STXBP5L: variants seen among roughly 807,000 people sequenced by gnomAD.
STXBP5L encodes syntaxin-binding protein 5-like.
STXBP5L carries 65 observed loss-of-function variants against 144.5 expected under a neutral mutation model. That is an observed-to-expected ratio of 0.45 (90% confidence interval 0.37 to 0.55). STXBP5L has a LOEUF of 0.55. STXBP5L is among the 20% of genes least tolerant of loss of function. The pLI is 0.00. For missense variants in STXBP5L, 1,298 were observed against 1,405.5 expected (o/e 0.92, Z 1.22); for synonymous variants, 505 against 469.6 (o/e 1.08, Z -0.97).
chr3:121,165,650 A>T (rs368062367), intron 9 of STXBP5L, among the ~76,000 whole-genome samples: 1 of 152,026 alleles, frequency 6.6e-6, no homozygotes. Flanking sequence ...GGTGAAAAGG[A>T]AAAAAAGGGA....
chr3:121,144,820 C>T (rs1204239115), intron 7 of STXBP5L, among the ~76,000 whole-genome samples: 3 of 151,914 alleles, frequency 2.0e-5, no homozygotes, highest in African/African-American at 7.2e-5. Context: ...GAATACTTTT[C>T]AGCCTTAATA....
intron 3 of STXBP5L, among the ~76,000 whole-genome samples, chr3:121,014,391 C>T (rs1432241430): frequency 6.6e-6 from 1 of 151,828 alleles, no homozygotes; most frequent in African/African-American, 2.4e-5. Context: ...TTTTTGAGTT[C>T]CATATAAATG....
chr3:120,934,954 CTCTG>C (rs1397859955), intron 2 of STXBP5L, among the ~76,000 whole-genome samples: 4 of 151,844 alleles, frequency 2.6e-5, no homozygotes, highest in Non-Finnish European at 5.9e-5. Flanking sequence ...CCTTGACAGT[CTCTG>C]TCTTTTAATT....
intron 25 of STXBP5L, 123 bp downstream of exon 25, chr3:121,416,091 T>C: frequency 1.4e-6 from 1 of 715,260 alleles, no homozygotes; most frequent in South Asian, 2.2e-5. Flanking sequence ...ATTTTTTGCA[T>C]CTATCTTAAA....
intron 5 of STXBP5L, among the ~76,000 whole-genome samples, chr3:121,087,410 C>T (rs143148387): frequency 6.6e-6 from 1 of 152,002 alleles, no homozygotes; most frequent in African/African-American, 2.4e-5. Context: ...GTAGAGTGAC[C>T]ATTTTATTAT....
intron 20 of STXBP5L, among the ~76,000 whole-genome samples, chr3:121,321,170 A>C (rs570073602): frequency 6.6e-6 from 1 of 152,218 alleles, no homozygotes; most frequent in East Asian, 1.9e-4. Context: ...ATACTGGTCT[A>C]CTAGACAGGT....
intron 9 of STXBP5L, among the ~76,000 whole-genome samples, chr3:121,166,954 A>G (rs2046523363): frequency 6.8e-6 from 1 of 148,054 alleles, no homozygotes; most frequent in Non-Finnish European, 1.5e-5. Flanking sequence ...TTTTAAGTAA[A>G]TTTTCCTTAA....
intron 4 of STXBP5L, 41 bp downstream of exon 4, chr3:121,041,822 C>A: frequency 7.8e-7 from 1 of 1,284,256 alleles, no homozygotes; most frequent in East Asian, 2.3e-5. Flanking sequence ...CACACTCCCC[C>A]ACTACACAGT....
At chr3:121,386,167 A>G (rs1037634814) in intron 22 of STXBP5L, among the ~76,000 whole-genome samples, 3 of 152,162 alleles carry the variant, frequency 2.0e-5, no homozygotes, top group Non-Finnish European at 2.9e-5. Context: ...CAAGAATAAT[A>G]AAGGCCTCAT....
chr3:121,364,212 T>G (rs2045800655), intron 20 of STXBP5L, among the ~76,000 whole-genome samples: 1 of 152,198 alleles, frequency 6.6e-6, no homozygotes, highest in South Asian at 2.1e-4. Context: ...AAGAAACTAT[T>G]CTTTCTTAAC....
intron 16 of STXBP5L, among the ~76,000 whole-genome samples, chr3:121,256,952 T>G (rs958862079): frequency 2.6e-5 from 4 of 152,040 alleles, no homozygotes; most frequent in Admixed American, 2.0e-4. Context: ...CCATTGAATA[T>G]TCCATATAAT....
chr3:120,997,492 G>T (rs1943443768), intron 3 of STXBP5L, among the ~76,000 whole-genome samples: 1 of 152,088 alleles, frequency 6.6e-6, no homozygotes, highest in African/African-American at 2.4e-5. Context: ...TGACTGGTAT[G>T]ATATATTTTA....
chr3:121,216,319 A>G (rs1577234096), intron 10 of STXBP5L, among the ~76,000 whole-genome samples: 1 of 151,788 alleles, frequency 6.6e-6, no homozygotes. Context: ...TCTCATCTTC[A>G]TGGATTTATT....
chr3:121,413,988 CA>C (rs1375493819), intron 24 of STXBP5L, among the ~76,000 whole-genome samples: 2 of 152,126 alleles, frequency 1.3e-5, no homozygotes, highest in Non-Finnish European at 2.9e-5. Flanking sequence ...TGACTTTGGG[CA>C]TTTTACTTAA....
intron 19 of STXBP5L, among the ~76,000 whole-genome samples, chr3:121,311,502 A>G (rs1199529319): frequency 1.3e-5 from 2 of 152,338 alleles, no homozygotes; most frequent in East Asian, 3.9e-4. Context: ...TTGTTTATGA[A>G]ATAAATGTTA....
intron 3 of STXBP5L, among the ~76,000 whole-genome samples, chr3:120,988,674 T>A (rs1247647259): frequency 6.6e-6 from 1 of 152,044 alleles, no homozygotes; most frequent in Admixed American, 6.6e-5. Flanking sequence ...CTTTAAAAAA[T>A]TTTTTTAGAG....
intron 20 of STXBP5L, among the ~76,000 whole-genome samples, chr3:121,341,177 G>C (rs1272409057): frequency 6.6e-6 from 1 of 152,060 alleles, no homozygotes; most frequent in East Asian, 1.9e-4. Context: ...AAAGCTAATA[G>C]TCTGATTTTA....
chr3:120,990,003 C>T (rs2462024), intron 3 of STXBP5L, among the ~76,000 whole-genome samples: 7 of 151,938 alleles, frequency 4.6e-5, no homozygotes, highest in South Asian at 2.1e-4. Flanking sequence ...AATTAGGAAA[C>T]GAGGAAGTCA....
chr3:120,965,344 G>C (rs1939430492), intron 3 of STXBP5L, among the ~76,000 whole-genome samples: 1 of 152,162 alleles, frequency 6.6e-6, no homozygotes, highest in African/African-American at 2.4e-5. Context: ...TGTTTTGTCA[G>C]CTAATTGATG....
Sources: allele counts gnomAD v4.1 joint callset (sites outside exome capture counted in the v4.1 genomes callset), GRCh38; gene constraint gnomAD v4.1.1; transcripts MANE v1.5; gene names NCBI Gene and HGNC (gene_info 2026-07-23, HGNC 2026-07-21).